The following DGKK variants were observed in gnomAD, a reference collection of about 807,000 sequenced individuals.
DGKK encodes 142 kDa diacylglycerol kinase.
DGKK carries 35 observed loss-of-function variants against 92.2 expected under a neutral mutation model. The observed-to-expected ratio is 0.38, with a 90% CI of 0.29 to 0.50. DGKK has a LOEUF of 0.50. Among genes scored for constraint, DGKK ranks in the 20% least tolerant of loss-of-function variants. DGKK has a pLI of 0.92. For missense variants in DGKK, 910 were observed against 992.2 expected, an observed-to-expected ratio of 0.92 and a Z score of 1.11; for synonymous variants, 368 against 360.6, an observed-to-expected ratio of 1.02 and a Z score of -0.23.
At chrX:50,447,410 A>T (rs868922648) in intron 1 of DGKK, among the ~76,000 whole-genome samples, 2,381 of 13,962 alleles carry the variant, frequency 0.17, 476 homozygotes, top group African/African-American at 0.58. Flanking sequence ...TATATATATA[A>T]TATATATATA....
chrX:50,376,366 C>T (rs1322256291), intron 23 of DGKK, among the ~76,000 whole-genome samples: 2 of 111,636 alleles, frequency 1.8e-5, no homozygotes, highest in Non-Finnish European at 3.8e-5. Flanking sequence ...TAGGTATTTA[C>T]CTTTACCCAT....
chrX:50,404,232 C>A lies in DGKK; in HGVS notation c.943-48G>T, dbSNP rs782289844. 9.6e-5 allele frequency: 111 copies of A among 1,161,344 alleles called. 2 individuals are homozygous for A. The East Asian group carries it at 3.5e-3, about 36-fold the overall frequency. On this transcript the variant is annotated intron_variant, in intron 4 of 27. Coordinates refer to ENST00000611977, the MANE Select transcript of DGKK (RefSeq NM_001013742.4). ...GAGAATGGAGGATGAATCACAGAGA[C>A]GGATTAAAGAGGGCCTGAAAATCTG...
rs782459910 is a variant in DGKK at position 50,384,330 on chromosome X, T to C, written c.2453-66A>G. On this transcript the variant is annotated intron_variant, in intron 16 of 27. Transcript: ENST00000611977. ...AAAAAGCCCTTTCCCCTCACTTGTA[T>C]TTCGCCCTATTTTCTCTGTGGAGGC... The C allele has an allele frequency of 2.8e-3, 2,103 of 757,844 alleles. 4 individuals carry two copies. The highest frequency in any genetic ancestry group is 3.7e-3 in the Non-Finnish European group (1,963 of 529,827). 62.5% of individuals were successfully genotyped at this position (757,844 alleles called of 1,213,427 possible).
chrX:50,466,017 C>CTTTTTT (rs72090197), intron 1 of DGKK, among the ~76,000 whole-genome samples: 1,390 of 41,892 alleles, frequency 0.033, no homozygotes, highest in East Asian at 0.063. Flanking sequence ...TTTCTTTTTT[C>CTTTTTT]TTTTTTTTTT....
At position 50,376,884 on chromosome X, in the gene DGKK, T is replaced by C; in HGVS notation, c.3146A>G (p.Lys1049Arg). Residue 1049 changes from lysine to arginine, a missense_variant, in exon 23 of 28, where the codon AAG (lysine) becomes AGG (arginine). Transcript: ENST00000611977. ...AGGGGCAGCTTGAATTTCAGTATGC[T>C]TGTATTCCCACATTTTCATTGAGTT... ...FENSMKMWEY[K>R]HTEIQAAPQP... 1 of 1,204,766 alleles carries C rather than the reference T, an allele frequency of 8.3e-7. No homozygotes were observed. The highest frequency in any genetic ancestry group is 2.3e-4 in the Middle Eastern group (1 of 4,292).
chrX:50,414,778 A>G (rs1324473085), intron 4 of DGKK, among the ~76,000 whole-genome samples: 1 of 111,901 alleles, frequency 8.9e-6, no homozygotes, highest in Non-Finnish European at 1.9e-5. Flanking sequence ...GTGGATGTCA[A>G]TCACAGACTT....
At chrX:50,400,990 T>C in intron 8 of DGKK, 47 bp downstream of exon 8, 1 of 1,102,154 alleles carries the variant, frequency 9.1e-7, no homozygotes, top group Non-Finnish European at 1.2e-6. Context: ...CTTTGCACCT[T>C]CCCTACATGC....
intron 4 of DGKK, among the ~76,000 whole-genome samples, chrX:50,417,699 A>G (rs1430953184): frequency 6.3e-5 from 7 of 110,837 alleles, no homozygotes; most frequent in African/African-American, 2.3e-4. Flanking sequence ...CTGGGGCTTA[A>G]CACGGTCTTG....
rs200285927 is a variant in DGKK, at chrX:50,368,938, G to A, written c.*2C>T. 1 of 1,201,093 alleles carries A rather than the reference G, an allele frequency of 8.3e-7. No homozygotes were observed. Among genetic ancestry groups the A allele is most frequent in the African/African-American group, 1.8e-5 (1 of 56,453 alleles). ...GTTGTGAGTTCTTCCAGCTTTCAAG[G>A]GCTACAGTTGAGATCTCGATGGTGT... On this transcript the variant is annotated 3_prime_UTR_variant, in exon 28 of 28. Transcript: ENST00000611977.
chrX:50,371,709 C>T lies in DGKK; in HGVS notation c.3612+15G>A. On this transcript the variant is annotated intron_variant, in intron 26 of 27. Transcript: ENST00000611977. ...CCCTCTTTCCCTTTATTTCCCAATT[C>T]CCAAGATTACGCACCTCTGGAACAA... 3.5e-6 allele frequency: 4 copies of T among 1,139,089 alleles called. No individual in the cohort carries two copies. In the South Asian group the frequency reaches 7.5e-5, roughly 21 times the overall value. The allele number at this position is 1,139,089 out of a possible 1,213,427, so 93.9% of individuals were successfully genotyped here.
chrX:50,394,558 T>C (rs781895385), intron 8 of DGKK, among the ~76,000 whole-genome samples: 52 of 111,936 alleles, frequency 4.6e-4, no homozygotes, highest in African/African-American at 1.6e-3. Context: ...TAGTACCCCT[T>C]CCAACATTTT....
chrX:50,462,821 T>C (rs1332967914), intron 1 of DGKK, among the ~76,000 whole-genome samples: 1 of 105,313 alleles, frequency 9.5e-6, no homozygotes, highest in Non-Finnish European at 2.0e-5. Context: ...AGAAACAGTT[T>C]ATTGGGAAAA....
intron 1 of DGKK, among the ~76,000 whole-genome samples, chrX:50,454,158 T>A (rs1926556504): frequency 9.0e-6 from 1 of 111,282 alleles, no homozygotes; most frequent in Admixed American, 9.5e-5. Context: ...AACCCAAGTC[T>A]ACCCCATCTT....
At chrX:50,404,409 G>C (rs1925093707) in intron 4 of DGKK, among the ~76,000 whole-genome samples, 1 of 108,721 alleles carries the variant, frequency 9.2e-6, no homozygotes, top group African/African-American at 3.4e-5. Context: ...TAGAGGGGCA[G>C]ACCCTGGAAT....
intron 8 of DGKK, among the ~76,000 whole-genome samples, chrX:50,394,129 G>A (rs1275811036): frequency 3.6e-5 from 4 of 111,909 alleles, no homozygotes; most frequent in Non-Finnish European, 7.5e-5. Context: ...CCTCCTAAGA[G>A]ATGCTAGACA....
At chrX:50,446,930 C>A (rs782308319) in intron 1 of DGKK, among the ~76,000 whole-genome samples, 1 of 110,128 alleles carries the variant, frequency 9.1e-6, no homozygotes, top group Non-Finnish European at 1.9e-5. Flanking sequence ...TGTGCATGTA[C>A]GCTGACTGGT....
rs1308241075 is a variant in DGKK, at chrX:50,370,555, A to C, written c.3613-6T>G. The C allele has an allele frequency of 2.5e-6, 3 of 1,193,147 alleles. No homozygotes were observed. In the African/African-American group the frequency reaches 5.3e-5, roughly 21 times the overall value. On this transcript the variant is annotated splice_polypyrimidine_tract_variant and splice_region_variant and intron_variant, in intron 26 of 27. Coordinates refer to ENST00000611977, the MANE Select transcript of DGKK (RefSeq NM_001013742.4). ...TCAGTGTCCGAAGATTTTTCCTGAG[A>C]AACCACAAGAGGAAGGTCAAAATGT...
In DGKK at chrX:50,386,412, T is replaced by C; in HGVS notation, c.2293A>G (p.Lys765Glu). ...IAKCKLELAT[K>E]AQSLQKSLKL... is the part of the protein sequence containing the mutation. ...AAGGATTTCTGGAGACTCTGGGCCT[T>C]TGTAGCCAGCTCCAACTTGCACTTG... is the stretch of plus-strand genomic sequence containing the variant. The change falls in exon 15 of 28, where the codon AAG (lysine) becomes GAG (glutamate). Residue 765 changes from lysine (K) to glutamate (E), a missense_variant. Coordinates refer to ENST00000611977, the MANE Select transcript of DGKK (RefSeq NM_001013742.4). The C allele has an allele frequency of 8.3e-7, 1 of 1,211,106 alleles. No individual in the cohort carries two copies. Among genetic ancestry groups the C allele is most frequent in the Non-Finnish European group, 1.1e-6 (1 of 895,122 alleles).
chrX:50,441,167 G>T (rs1328128957), intron 1 of DGKK, among the ~76,000 whole-genome samples: 1 of 111,325 alleles, frequency 9.0e-6, no homozygotes, highest in Non-Finnish European at 1.9e-5. Flanking sequence ...AGGGAAACAT[G>T]AACTGAAAAC....
Sources: gnomAD v4.1 joint callset for allele counts (sites outside exome capture counted in the v4.1 genomes callset) on GRCh38, gnomAD v4.1.1 for gene constraint, MANE v1.5 for transcripts, NCBI Gene and HGNC (gene_info 2026-07-23, HGNC 2026-07-21) for gene names.